The following GRK3 variants were observed in gnomAD, a reference collection of about 807,000 sequenced individuals.
GRK3 encodes adrenergic, beta, receptor kinase 2.
In GRK3, 54 loss-of-function variants were observed where a neutral mutation model predicts 95.7. The observed-to-expected ratio is 0.56, with a 90% CI of 0.45 to 0.71. GRK3 has a LOEUF of 0.71. Among genes scored for constraint, GRK3 ranks in the 30% least tolerant of loss-of-function variants. The pLI is 0.00. For missense variants in GRK3, 649 were observed against 851.2 expected, an observed-to-expected ratio of 0.76 and a Z score of 2.96; for synonymous variants, 281 against 290.8, an observed-to-expected ratio of 0.97 and a Z score of 0.34.
chr22:25,577,568 C>T (rs1355458748), intron 1 of GRK3, among the ~76,000 whole-genome samples: 1 of 152,196 alleles, frequency 6.6e-6, no homozygotes, highest in African/African-American at 2.4e-5. Context: ...TATCTAACCC[C>T]TACCCAGAAA....
chr22:25,634,105 TTTA>T (rs2084683273), intron 2 of GRK3, among the ~76,000 whole-genome samples: 1 of 152,248 alleles, frequency 6.6e-6, no homozygotes, highest in African/African-American at 2.4e-5. Context: ...TCTAATTTGA[TTTA>T]TTTTATTTAG....
chr22:25,629,969 T>C (rs904700625), intron 2 of GRK3, among the ~76,000 whole-genome samples: 3 of 152,130 alleles, frequency 2.0e-5, no homozygotes, highest in African/African-American at 7.2e-5. Context: ...GGATCTCCAA[T>C]TAGAGTACAA....
intron 7 of GRK3, among the ~76,000 whole-genome samples, chr22:25,672,722 A>T (rs2084992974): frequency 6.6e-6 from 1 of 152,156 alleles, no homozygotes; most frequent in Non-Finnish European, 1.5e-5. Flanking sequence ...AATAATACAA[A>T]TTGAGTATCA....
At position 25,714,494 on chromosome 22, in the gene GRK3, T is replaced by C; in HGVS notation, c.1578T>C (p.Tyr526=). The change falls in exon 18 of 21, where the codon TAT becomes TAC. Residue 526 remains tyrosine (Y), a synonymous_variant. Transcript: ENST00000324198. ...AGCAAGAAGTAACGGAAACAGTTTA[T>C]GAAGCAGTAAATGCAGACACAGATA... ...RWQQEVTETV[Y]EAVNADTDKI... is the part of the protein sequence containing the mutation. 3 of 1,614,018 alleles carry C rather than the reference T, an allele frequency of 1.9e-6. No homozygotes were observed. The highest frequency in any genetic ancestry group is 2.5e-6 in the Non-Finnish European group (3 of 1,179,958).
intron 1 of GRK3, among the ~76,000 whole-genome samples, chr22:25,575,432 C>T (rs78232095): frequency 1.1e-4 from 16 of 152,260 alleles, no homozygotes; most frequent in African/African-American, 1.9e-4. Context: ...TGCTCTAGAA[C>T]TAGGGTTTGA....
intron 12 of GRK3, among the ~76,000 whole-genome samples, chr22:25,692,243 C>T (rs2085170891): frequency 6.6e-6 from 1 of 152,200 alleles, no homozygotes; most frequent in African/African-American, 2.4e-5. Flanking sequence ...GCTGGGATTA[C>T]AGGTGTGAGT....
In GRK3 at chr22:25,716,957, T is replaced by C. The variant is rs375413714; in HGVS notation, c.1655-1288T>C. On this transcript the variant is annotated intron_variant, in intron 18 of 20. Transcript: ENST00000324198. ...AGGGATCTAGGTTACGTGCTCCTTA[T>C]GAGAATCGAATGCTTGATCTGAAGT... Among the ~76,000 whole-genome samples the C allele has an allele frequency of 6.6e-5, 10 of 152,300 alleles. No homozygotes were observed. The South Asian group carries it at 1.9e-3, about 28-fold the overall frequency.
chr22:25,708,709 T>C (rs1008171747), intron 15 of GRK3, among the ~76,000 whole-genome samples: 24 of 151,992 alleles, frequency 1.6e-4, no homozygotes, highest in African/African-American at 5.5e-4. Context: ...TCACTCAGGC[T>C]GGAGTGCAAT....
chr22:25,704,658 G>C (rs1269849474), intron 15 of GRK3, among the ~76,000 whole-genome samples: 1 of 152,188 alleles, frequency 6.6e-6, no homozygotes, highest in East Asian at 1.9e-4. Context: ...TGATCCACCT[G>C]CCTTGGCCTC....
intron 3 of GRK3, among the ~76,000 whole-genome samples, chr22:25,655,875 C>T (rs777587366): frequency 6.6e-5 from 10 of 152,166 alleles, no homozygotes; most frequent in Non-Finnish European, 1.0e-4. Context: ...CTGTGAGTTT[C>T]AAATAGGACA....
At chr22:25,615,405 G>T (rs925321012) in intron 2 of GRK3, among the ~76,000 whole-genome samples, 6 of 152,262 alleles carry the variant, frequency 3.9e-5, no homozygotes, top group African/African-American at 1.4e-4. Flanking sequence ...GAAATTCAAG[G>T]TGGTGCTGCA....
intron 2 of GRK3, among the ~76,000 whole-genome samples, chr22:25,636,891 C>T (rs1013429250): frequency 2.0e-5 from 3 of 152,168 alleles, no homozygotes; most frequent in Admixed American, 2.0e-4. Context: ...TCGTAGTCAA[C>T]CTGGCTACGT....
Position 25,726,177 on chromosome 22 carries a change from G to C in GRK3, c.*3727G>C, listed in dbSNP as rs181423141. On this transcript the variant is annotated 3_prime_UTR_variant, in exon 21 of 21. Coordinates refer to ENST00000324198, the MANE Select transcript of GRK3 (RefSeq NM_005160.4). ...CCAATTGACGACAGGGATTTAACTA[G>C]ATTAAAAAGATCAAAGTGTGGTTTT... 1 of 152,274 alleles carries C rather than the reference G, an allele frequency of 6.6e-6. No homozygotes were observed. Among genetic ancestry groups the C allele is most frequent in the Admixed American group, 6.5e-5 (1 of 15,294 alleles). The allele number at this position is 152,274 out of a possible 1,614,324, so 9.4% of individuals were successfully genotyped here.
At chr22:25,604,310 C>A in intron 1 of GRK3, 67 bp from the exon 2 acceptor site, 1 of 1,179,490 alleles carries the variant, frequency 8.5e-7, no homozygotes, top group Non-Finnish European at 1.2e-6. Context: ...CGTATCTCTT[C>A]CATCCTGGGG....
At chr22:25,667,396 G>C (rs1156465325) in intron 5 of GRK3, among the ~76,000 whole-genome samples, 1 of 152,194 alleles carries the variant, frequency 6.6e-6, no homozygotes, top group Non-Finnish European at 1.5e-5. Context: ...GGCAACAACA[G>C]AGCTTTAAAC....
rs1429207846 is a variant in GRK3 at position 25,714,455 on chromosome 22, C to A, written c.1539C>A (p.Ile513=). ...TCTACAAGAACTTCCCTTTGGTCATCTCTGAACGCTGGCAGCAAGAAGTAA... is the reference window on the plus strand; with the variant it reads ...TCTACAAGAACTTCCCTTTGGTCATATCTGAACGCTGGCAGCAAGAAGTAA... ...QELYKNFPLV[I]SERWQQEVTE... is the part of the protein sequence containing the mutation. The change falls in exon 18 of 21, where the codon ATC becomes ATA. Residue 513 remains isoleucine, a synonymous_variant. Coordinates refer to ENST00000324198, the MANE Select transcript of GRK3 (RefSeq NM_005160.4). 1 of 1,613,998 alleles carries A rather than the reference C, an allele frequency of 6.2e-7. No individual in the cohort carries two copies.
chr22:25,720,633 C>A (rs536029339), intron 19 of GRK3, among the ~76,000 whole-genome samples: 1 of 151,838 alleles, frequency 6.6e-6, no homozygotes, highest in Non-Finnish European at 1.5e-5. Context: ...CCCGCTACCA[C>A]GCCCGGCTAA....
At chr22:25,582,109 G>T (rs1932120278) in intron 1 of GRK3, among the ~76,000 whole-genome samples, 2 of 151,872 alleles carry the variant, frequency 1.3e-5, no homozygotes, top group Non-Finnish European at 2.9e-5. Context: ...AATCCTCGTC[G>T]CTACTAAAAA....
At chr22:25,631,866 G>A (rs928663600) in intron 2 of GRK3, among the ~76,000 whole-genome samples, 1 of 152,102 alleles carries the variant, frequency 6.6e-6, no homozygotes, top group African/African-American at 2.4e-5. Context: ...CTTTTATTTA[G>A]CATGATGTGT....
Sources: allele counts gnomAD v4.1 joint callset (sites outside exome capture counted in the v4.1 genomes callset), GRCh38; gene constraint gnomAD v4.1.1; transcripts MANE v1.5; gene names NCBI Gene and HGNC (gene_info 2026-07-23, HGNC 2026-07-21).